The following CEP128 variants were observed in gnomAD, a reference collection of about 807,000 sequenced individuals.
CEP128 encodes the protein centrosomal protein 128kDa.
In CEP128, 132 loss-of-function variants were observed where a neutral mutation model predicts 156.7. That is an observed-to-expected ratio of 0.84 (90% confidence interval 0.73 to 0.97). The LOEUF (loss-of-function observed/expected upper bound fraction) is 0.97, where lower values mean the gene tolerates loss of function less well. Among genes scored for constraint, CEP128 ranks in the 50% least tolerant of loss-of-function variants. The probability of loss-of-function intolerance (pLI) is 0.00; values close to 1 mark genes in which losing one functional copy is unlikely to be tolerated. For synonymous variants in CEP128, 469 were observed against 448.9 expected (o/e 1.04, Z -0.57); for missense variants, 1,252 against 1,281.9 (o/e 0.98, Z 0.36).
At chr14:80,778,616 C>T (rs185609479) in intron 15 of CEP128, among the ~76,000 whole-genome samples, 4 of 152,230 alleles carry the variant, frequency 2.6e-5, no homozygotes, top group Non-Finnish European at 5.9e-5. Flanking sequence ...AATCAAGAAA[C>T]TACAAACTTA....
chr14:80,859,995 G>A (rs957457423), intron 9 of CEP128, among the ~76,000 whole-genome samples: 2 of 152,116 alleles, frequency 1.3e-5, no homozygotes, highest in African/African-American at 4.8e-5. Context: ...AGGCAAAAGA[G>A]CACAGTGGCT....
At chr14:80,689,594 C>G (rs1896649268) in intron 19 of CEP128, among the ~76,000 whole-genome samples, 1 of 152,034 alleles carries the variant, frequency 6.6e-6, no homozygotes, top group Non-Finnish European at 1.5e-5. Context: ...TGAAAATATG[C>G]TGAATATGTT....
chr14:80,926,312 A>ACAAC (rs1885141725), intron 2 of CEP128, among the ~76,000 whole-genome samples: 2 of 152,180 alleles, frequency 1.3e-5, no homozygotes, highest in South Asian at 4.1e-4. Flanking sequence ...TACTGCTAGC[A>ACAAC]CAACACTGTG....
At position 80,721,910 on chromosome 14, in the gene CEP128, T is replaced by C. The variant is rs537539792; in HGVS notation, c.2806+21165A>G. Among the ~76,000 whole-genome samples, 85 of 152,330 alleles carry C rather than the reference T, an allele frequency of 5.6e-4. 1 individual carries two copies. The highest frequency in any genetic ancestry group is 1.9e-3 in the African/African-American group (79 of 41,584). Reference sequence around the variant, plus strand: ...TTAGTATTACATTTTGTCTGATGAATAAACATGAATTAAATTAAATGATTA... The same window carrying C: ...TTAGTATTACATTTTGTCTGATGAACAAACATGAATTAAATTAAATGATTA... On this transcript the variant is annotated intron_variant, in intron 19 of 24. Transcript: ENST00000555265.
At chr14:80,751,950 T>C (rs1899420616) in intron 18 of CEP128, among the ~76,000 whole-genome samples, 1 of 152,046 alleles carries the variant, frequency 6.6e-6, no homozygotes, top group Non-Finnish European at 1.5e-5. Flanking sequence ...TTTTAAACCT[T>C]TGCAGTTGAG....
intron 7 of CEP128, among the ~76,000 whole-genome samples, chr14:80,898,728 T>C (rs891374348): frequency 6.6e-6 from 1 of 152,120 alleles, no homozygotes; most frequent in African/African-American, 2.4e-5. Flanking sequence ...TTTATCAGCT[T>C]GTAAAAAAAA....
chr14:80,846,344 G>C (rs374073575), intron 9 of CEP128, among the ~76,000 whole-genome samples: 1 of 152,102 alleles, frequency 6.6e-6, no homozygotes, highest in African/African-American at 2.4e-5. Context: ...GGATTAAGTA[G>C]AATAAAGAGA....
At chr14:80,928,552 A>G (rs541421748) in intron 2 of CEP128, among the ~76,000 whole-genome samples, 13 of 152,302 alleles carry the variant, frequency 8.5e-5, no homozygotes, top group Middle Eastern at 3.4e-3. Flanking sequence ...AGAATTTCAG[A>G]GCTCGAAAAC....
At chr14:80,843,086 G>A (rs1595485565) in intron 9 of CEP128, among the ~76,000 whole-genome samples, 1 of 151,758 alleles carries the variant, frequency 6.6e-6, no homozygotes, top group East Asian at 1.9e-4. Context: ...AGTAAAAAGG[G>A]GAAAAGAAAA....
chr14:80,632,368 T>A (rs1893997303), intron 19 of CEP128, among the ~76,000 whole-genome samples: 1 of 149,162 alleles, frequency 6.7e-6, no homozygotes, highest in Non-Finnish European at 1.5e-5. Flanking sequence ...ATACTAAGTA[T>A]AAATATTATA....
chr14:80,684,801 G>A (rs554353987), intron 19 of CEP128, among the ~76,000 whole-genome samples: 38 of 150,788 alleles, frequency 2.5e-4, no homozygotes, highest in African/African-American at 7.8e-4. Flanking sequence ...TTCAACATAT[G>A]TAAATCAGTA....
chr14:80,734,945 A>T (rs1198457328), intron 19 of CEP128, among the ~76,000 whole-genome samples: 1 of 152,070 alleles, frequency 6.6e-6, no homozygotes, highest in South Asian at 2.1e-4. Flanking sequence ...TTAGTTTTCA[A>T]AATAAGTTTG....
At chr14:80,923,309 G>T (rs763107379) in intron 2 of CEP128, among the ~76,000 whole-genome samples, 2 of 152,198 alleles carry the variant, frequency 1.3e-5, no homozygotes, top group East Asian at 3.8e-4. Context: ...ACTCCAACTA[G>T]AGAGAGTAAA....
chr14:80,567,178 T>C (rs563071149), intron 20 of CEP128, among the ~76,000 whole-genome samples: 1 of 152,318 alleles, frequency 6.6e-6, no homozygotes, highest in East Asian at 1.9e-4. Flanking sequence ...GTAGCTTTCT[T>C]CTGCTGTGTT....
intron 19 of CEP128, among the ~76,000 whole-genome samples, chr14:80,592,549 C>G (rs1389447232): frequency 6.6e-6 from 1 of 152,148 alleles, no homozygotes; most frequent in Non-Finnish European, 1.5e-5. Flanking sequence ...GACGGATTCA[C>G]AGCCGAATTC....
At chr14:80,892,094 GACCCTAAAAC>G (rs1889128983) in intron 8 of CEP128, among the ~76,000 whole-genome samples, 2 of 149,546 alleles carry the variant, frequency 1.3e-5, no homozygotes, top group Admixed American at 1.3e-4. Flanking sequence ...GAAACATAAA[GACCCTAAAAC>G]AATTCCAAGA....
intron 19 of CEP128, among the ~76,000 whole-genome samples, chr14:80,715,401 T>C (rs1463960559): frequency 6.6e-6 from 1 of 152,196 alleles, no homozygotes; most frequent in Non-Finnish European, 1.5e-5. Flanking sequence ...AAGTGTTTTC[T>C]CGAGCTCCTG....
intron 19 of CEP128, among the ~76,000 whole-genome samples, chr14:80,611,781 C>T (rs140995457): frequency 2.0e-5 from 3 of 152,128 alleles, no homozygotes; most frequent in Non-Finnish European, 2.9e-5. Flanking sequence ...TTAGATAGGC[C>T]GGGTGTGGTG....
chr14:80,852,555 C>G (rs1397582865), intron 9 of CEP128, among the ~76,000 whole-genome samples: 1 of 151,324 alleles, frequency 6.6e-6, no homozygotes, highest in East Asian at 1.9e-4. Context: ...ATAAACAAAG[C>G]CAGTCAAAAA....
Sources: allele counts gnomAD v4.1 joint callset (sites outside exome capture counted in the v4.1 genomes callset), GRCh38; gene constraint gnomAD v4.1.1; transcripts MANE v1.5; gene names NCBI Gene and HGNC (gene_info 2026-07-23, HGNC 2026-07-21).